The following RSL1D1 variants were observed in gnomAD, a reference collection of about 807,000 sequenced individuals.
RSL1D1 encodes ribosomal L1 domain containing 1.
Under a neutral mutation model 44.6 loss-of-function variants are expected in RSL1D1, and 34 were observed. The observed-to-expected ratio is 0.76, with a 90% CI of 0.58 to 1.02. The LOEUF (loss-of-function observed/expected upper bound fraction) is 1.02, where lower values mean the gene tolerates loss of function less well. Among genes scored for constraint, RSL1D1 ranks in the 50% least tolerant of loss-of-function variants. The pLI is 0.00. For missense variants in RSL1D1, 767 were observed against 568.1 expected (o/e 1.35, Z -3.56); for synonymous variants, 271 against 207.4 (o/e 1.31, Z -2.63).
intron 8 of RSL1D1, 111 bp downstream of exon 8, chr16:11,839,584 T>C (rs2053749165): frequency 6.8e-7 from 1 of 1,467,580 alleles, no homozygotes; most frequent in East Asian, 2.3e-5. Context: ...ACCTTCACAG[T>C]TCTTTGGGTT....
chr16:11,847,752 C>G lies in RSL1D1; in HGVS notation c.300G>C (p.Lys100Asn). ...TTTCAGGAGTTGAATTGGGTTCATCCTTCGTAAATAAACAGATATCTTCTG... is the reference window on the plus strand; with the variant it reads ...TTTCAGGAGTTGAATTGGGTTCATCGTTCGTAAATAAACAGATATCTTCTG... ...SDSEDICLFT[K>N]DEPNSTPEKT... is the part of the protein sequence containing the mutation. Residue 100 changes from lysine (K) to asparagine (N), a missense_variant, in exon 3 of 9, where the codon AAG (lysine) becomes AAC (asparagine). Transcript: ENST00000571133. 1.9e-6 allele frequency: 3 copies of G among 1,613,282 alleles called. No individual in the cohort carries two copies. The highest frequency in any genetic ancestry group is 2.5e-6 in the Non-Finnish European group (3 of 1,179,404).
Position 11,835,163 on chromosome 16 carries a change from TA to T in RSL1D1, c.*2623del, listed in dbSNP as rs372420653. The T allele has an allele frequency of 5.9e-5, 9 of 151,874 alleles. No homozygotes were observed. Among genetic ancestry groups the T allele is most frequent in the African/African-American group, 1.9e-4 (8 of 41,334 alleles). The allele number at this position is 151,874 out of a possible 1,614,324, so 9.4% of individuals were successfully genotyped here. On this transcript the variant is annotated 3_prime_UTR_variant, in exon 9 of 9. Transcript: ENST00000571133. The stretch of plus-strand genomic sequence containing the variant: ...ACAGCAAAAGCAGGCTAGACTCCTC[TA>T]ATTTCAGGGAGAGCTAGATGTTTTT...
chr16:11,840,709 A>T (rs1267796640), intron 7 of RSL1D1, among the ~76,000 whole-genome samples: 7 of 152,226 alleles, frequency 4.6e-5, no homozygotes, highest in Non-Finnish European at 4.4e-5. Context: ...TAATACTGAA[A>T]ACCTACAAAC....
intron 7 of RSL1D1, chr16:11,841,464 A>T (rs1596439417): frequency 2.6e-6 from 1 of 386,974 alleles, no homozygotes; most frequent in East Asian, 5.0e-5. Flanking sequence ...AATCCAATTT[A>T]TCAATAAATA....
intron 3 of RSL1D1, 76 bp downstream of exon 3, chr16:11,847,592 A>G: frequency 1.7e-6 from 2 of 1,173,206 alleles, no homozygotes; most frequent in Non-Finnish European, 2.4e-6. Flanking sequence ...TAGGAAATAT[A>G]GCAATGTATT....
At chr16:11,847,949 A>C (rs2053811223) in intron 2 of RSL1D1, 143 bp from the exon 3 acceptor site, 4 of 829,032 alleles carry the variant, frequency 4.8e-6, no homozygotes, top group Admixed American at 5.4e-5. Flanking sequence ...ACCAAGAACA[A>C]CACTTAAAAA....
Position 11,837,140 on chromosome 16 carries a change from ATTTTT to A in RSL1D1, c.*642_*646del, listed in dbSNP as rs953410405. ...AGATGCATGCCACCATGCCACACTAATTTTTTTTTTTCTTTTGTAGAGATGGGGTT... is the reference window on the plus strand; with the variant it reads ...AGATGCATGCCACCATGCCACACTAATTTTTTCTTTTGTAGAGATGGGGTT... On this transcript the variant is annotated 3_prime_UTR_variant, in exon 9 of 9. Coordinates refer to ENST00000571133, the MANE Select transcript of RSL1D1 (RefSeq NM_015659.3). 2 of 147,382 alleles carry A rather than the reference ATTTTT, an allele frequency of 1.4e-5. No homozygotes were observed. Among genetic ancestry groups the A allele is most frequent in the Non-Finnish European group, 3.0e-5 (2 of 66,418 alleles). The allele number at this position is 147,382 out of a possible 1,614,324, so 9.1% of individuals were successfully genotyped here.
chr16:11,837,727 A>C lies in RSL1D1; in HGVS notation c.*60T>G. ...AGGTTACAAAGGCGGCCAGGATCTG[A>C]GTATTTCCAAAAAGCTCTGGAGGCA... is the stretch of plus-strand genomic sequence containing the variant. On this transcript the variant is annotated 3_prime_UTR_variant, in exon 9 of 9. Transcript: ENST00000571133. The C allele has an allele frequency of 2.1e-6, 3 of 1,422,870 alleles. No homozygotes were observed. The highest frequency in any genetic ancestry group is 2.9e-5 in the African/African-American group (2 of 69,554). 88.1% of individuals were successfully genotyped at this position (1,422,870 alleles called of 1,614,324 possible).
intron 2 of RSL1D1, among the ~76,000 whole-genome samples, chr16:11,848,189 G>T (rs535579867): frequency 6.6e-6 from 1 of 152,254 alleles, no homozygotes; most frequent in Admixed American, 6.6e-5. Flanking sequence ...GAAGGTGGAG[G>T]TTGCAGTGAG....
rs2141250754 is a variant in RSL1D1 at position 11,839,815 on chromosome 16, C to T, written c.1026G>A (p.Glu342=). ...KPESKKEQTP[E]HGKKKRGRGK... is the part of the protein sequence containing the mutation. ...CTCTGCCACGTTTTTTCTTCCCATGCTCTGGGGTCTGTTCCTTCTTTGATT... is the reference window on the plus strand; with the variant it reads ...CTCTGCCACGTTTTTTCTTCCCATGTTCTGGGGTCTGTTCCTTCTTTGATT... Residue 342 remains glutamate, a synonymous_variant, in exon 8 of 9, where the codon GAG becomes GAA. Coordinates refer to ENST00000571133, the MANE Select transcript of RSL1D1 (RefSeq NM_015659.3). The T allele has an allele frequency of 6.2e-7, 1 of 1,614,122 alleles. No individual in the cohort carries two copies. The highest frequency in any genetic ancestry group is 2.2e-5 in the East Asian group (1 of 44,886).
In RSL1D1 at chr16:11,835,445, A is replaced by C. The variant is rs562918091; in HGVS notation, c.*2342T>G. 1.3e-5 allele frequency: 2 copies of C among 152,432 alleles called. No individual in the cohort carries two copies. Among genetic ancestry groups the C allele is most frequent in the African/African-American group, 4.8e-5 (2 of 41,520 alleles). The allele number at this position is 152,432 out of a possible 1,614,324, so 9.4% of individuals were successfully genotyped here. A position where few individuals can be genotyped will look rare whatever the true frequency, so the allele number is the denominator to read the frequency against. On this transcript the variant is annotated 3_prime_UTR_variant, in exon 9 of 9. Coordinates refer to ENST00000571133, the MANE Select transcript of RSL1D1 (RefSeq NM_015659.3). ...TGATCTGCCAGCCTTGGCTGGGATTACAGATGTGAGCCACCACGCCCAGCC... is the reference window on the plus strand; with the variant it reads ...TGATCTGCCAGCCTTGGCTGGGATTCCAGATGTGAGCCACCACGCCCAGCC...
intron 5 of RSL1D1, among the ~76,000 whole-genome samples, chr16:11,843,871 C>A (rs1396589859): frequency 1.3e-3 from 71 of 53,562 alleles, no homozygotes; most frequent in South Asian, 2.2e-3. Flanking sequence ...AACTCTGTCT[C>A]AAAAAAAAAA....
rs142595081 is a variant in RSL1D1, at chr16:11,837,841, A to G, written c.1419T>C (p.Ala473=). 1.2e-6 allele frequency: 2 copies of G among 1,613,316 alleles called. No homozygotes were observed. Among genetic ancestry groups the G allele is most frequent in the African/African-American group, 2.7e-5 (2 of 74,802 alleles). The change falls in exon 9 of 9, where the codon GCT becomes GCC. Residue 473 remains alanine (A), a synonymous_variant. Coordinates refer to ENST00000571133, the MANE Select transcript of RSL1D1 (RefSeq NM_015659.3). ...TGGGCCATTTTTTGGGGGTGTGGGA[A>G]GCTTTTCTCACAGATTTACTAGGAG... ...FTTPSKSVRK[A]SHTPKKWPKK...
intron 5 of RSL1D1, 61 bp from the exon 6 acceptor site, chr16:11,842,061 C>T: frequency 1.7e-6 from 2 of 1,187,118 alleles, no homozygotes; most frequent in South Asian, 1.4e-5. Context: ...ATAAACCAGG[C>T]AGGTATATGA....
chr16:11,836,802 G>T lies in RSL1D1; in HGVS notation c.*985C>A, dbSNP rs905226668. ...TCTGTTTCTCCTAAATTCCGTAGCCGACTCTCATACAGCGAGACCCTCACT... is the reference window on the plus strand; with the variant it reads ...TCTGTTTCTCCTAAATTCCGTAGCCTACTCTCATACAGCGAGACCCTCACT... On this transcript the variant is annotated 3_prime_UTR_variant, in exon 9 of 9. Coordinates refer to ENST00000571133, the MANE Select transcript of RSL1D1 (RefSeq NM_015659.3). 1 of 152,122 alleles carries T rather than the reference G, an allele frequency of 6.6e-6. No homozygotes were observed. Among genetic ancestry groups the T allele is most frequent in the African/African-American group, 2.4e-5 (1 of 41,394 alleles). The allele number at this position is 152,122 out of a possible 1,614,324, so 9.4% of individuals were successfully genotyped here.
In RSL1D1 at chr16:11,836,074, C is replaced by G. The variant is rs1016859002; in HGVS notation, c.*1713G>C. The G allele has an allele frequency of 1.3e-5, 2 of 152,188 alleles. No individual in the cohort carries two copies. The highest frequency in any genetic ancestry group is 4.8e-5 in the African/African-American group (2 of 41,458). The allele number at this position is 152,188 out of a possible 1,614,324, so 9.4% of individuals were successfully genotyped here. A position where few individuals can be genotyped will look rare whatever the true frequency, so the allele number is the denominator to read the frequency against. On this transcript the variant is annotated 3_prime_UTR_variant, in exon 9 of 9. Coordinates refer to ENST00000571133, the MANE Select transcript of RSL1D1 (RefSeq NM_015659.3). Reference sequence around the variant, plus strand: ...CTCTCCATCATCTCAAGTAGCAGAGCAAATGCTAAACCATCACAGCTGTAA... The same window carrying G: ...CTCTCCATCATCTCAAGTAGCAGAGGAAATGCTAAACCATCACAGCTGTAA...
Position 11,851,389 on chromosome 16 carries a change from C to G in RSL1D1, c.105+19G>C. The stretch of plus-strand genomic sequence containing the variant: ...ACCGCCACACTGCTTCCAAGCCACC[C>G]TCCCCAGGAACCACTCACCTGTTCT... On this transcript the variant is annotated intron_variant, in intron 1 of 8. Coordinates refer to ENST00000571133, the MANE Select transcript of RSL1D1 (RefSeq NM_015659.3). The G allele has an allele frequency of 6.2e-7, 1 of 1,611,908 alleles. No homozygotes were observed. Among genetic ancestry groups the G allele is most frequent in the Non-Finnish European group, 8.5e-7 (1 of 1,177,968 alleles).
At chr16:11,846,033 C>T (rs551709342) in intron 5 of RSL1D1, among the ~76,000 whole-genome samples, 21 of 151,672 alleles carry the variant, frequency 1.4e-4, no homozygotes, top group Admixed American at 4.6e-4. Context: ...GCACCTGACC[C>T]GAGAATTGAT....
chr16:11,839,573 C>A, intron 8 of RSL1D1, 122 bp downstream of exon 8: 2 of 1,332,740 alleles, frequency 1.5e-6, no homozygotes, highest in Non-Finnish European at 2.0e-6. Context: ...ATATGATAAC[C>A]ACCTTCACAG....
Sources: gnomAD v4.1 joint callset for allele counts (sites outside exome capture counted in the v4.1 genomes callset) on GRCh38, gnomAD v4.1.1 for gene constraint, MANE v1.5 for transcripts, NCBI Gene and HGNC (gene_info 2026-07-23, HGNC 2026-07-21) for gene names.